DNAJA3: variants seen among roughly 807,000 people sequenced by gnomAD.
The protein encoded by DNAJA3 is DnaJ heat shock protein family (Hsp40) member A3, also known as dnaJ homolog subfamily A member 3, mitochondrial.
DNAJA3 carries 29 observed loss-of-function variants against 54.9 expected under a neutral mutation model. The observed-to-expected ratio is 0.53, with a 90% CI of 0.39 to 0.72. The LOEUF (loss-of-function observed/expected upper bound fraction) is 0.72. DNAJA3 is among the 30% of genes least tolerant of loss of function. The pLI, the probability that DNAJA3 is intolerant of heterozygous loss-of-function variation, is 0.00. For synonymous variants in DNAJA3, 302 were observed against 251.4 expected (o/e 1.20, Z -1.90); for missense variants, 708 against 639.4 (o/e 1.11, Z -1.16).
chr16:4,442,582 TC>T, intron 5 of DNAJA3, 162 bp downstream of exon 5: 1 of 836,664 alleles, frequency 1.2e-6, no homozygotes, highest in Non-Finnish European at 1.7e-6. Flanking sequence ...GAGCCTGTGC[TC>T]CTCTTTCCCT....
intron 9 of DNAJA3, 41 bp from the exon 10 acceptor site, chr16:4,450,359 C>G (rs1207940150): frequency 1.3e-6 from 2 of 1,530,732 alleles, no homozygotes; most frequent in South Asian, 2.4e-5. Context: ...TCCAAAGCTT[C>G]CCGGCGGAAG....
At chr16:4,434,599 A>G (rs2056749541) in intron 2 of DNAJA3, 82 bp downstream of exon 2, 2 of 1,483,574 alleles carry the variant, frequency 1.3e-6, no homozygotes, top group Admixed American at 4.3e-5. Context: ...AGTACAGCGT[A>G]TGTGCCCATA....
intron 8 of DNAJA3, 85 bp from the exon 9 acceptor site, chr16:4,448,648 C>G: frequency 1.1e-6 from 1 of 915,120 alleles, no homozygotes; most frequent in South Asian, 1.5e-5. Flanking sequence ...CAAGGAATTC[C>G]TATCAAGATT....
At position 4,425,892 on chromosome 16, in the gene DNAJA3, G is replaced by A. The variant is rs773766311; in HGVS notation, c.11G>A (p.Arg4Gln). The A allele has an allele frequency of 3.6e-5, 55 of 1,536,440 alleles. 1 individual carries two copies. Among genetic ancestry groups the A allele is most frequent in the Non-Finnish European group, 4.6e-5 (53 of 1,143,376 alleles). MAA[R>Q]CSTRWLLVVV... Reference sequence around the variant, plus strand: ...AGTCCCCGGGCCAAGATGGCTGCGCGGTGCTCCACACGCTGGTTGCTGGTG... The same window carrying A: ...AGTCCCCGGGCCAAGATGGCTGCGCAGTGCTCCACACGCTGGTTGCTGGTG... Residue 4 changes from arginine (R) to glutamine (Q), a missense_variant, in exon 1 of 12, where the codon CGG becomes CAG. Arg to Gln is a conservative substitution (Grantham distance 43). Transcript: ENST00000262375.
At chr16:4,437,608 C>G in intron 3 of DNAJA3, 123 bp downstream of exon 3, 1 of 704,480 alleles carries the variant, frequency 1.4e-6, no homozygotes, top group Non-Finnish European at 2.4e-6. Context: ...TGTCCCTGCG[C>G]CAAGTAATCT....
At chr16:4,437,595 C>G (rs765921291) in intron 3 of DNAJA3, 110 bp downstream of exon 3, 2 of 811,204 alleles carry the variant, frequency 2.5e-6, no homozygotes, top group Non-Finnish European at 2.0e-6. Context: ...AGTGTGAAGG[C>G]CATGTCCCTG....
chr16:4,441,291 C>T, intron 3 of DNAJA3, 84 bp from the exon 4 acceptor site: 1 of 1,298,782 alleles, frequency 7.7e-7, no homozygotes. Context: ...AATGTTATGG[C>T]TGCCTTATTT....
chr16:4,444,385 C>A (rs2056876731), intron 6 of DNAJA3, among the ~76,000 whole-genome samples: 1 of 149,214 alleles, frequency 6.7e-6, no homozygotes, highest in Non-Finnish European at 1.5e-5. Flanking sequence ...CGCTCTGTTG[C>A]CAGGCTGGCG....
intron 8 of DNAJA3, among the ~76,000 whole-genome samples, chr16:4,448,354 C>G (rs1220378241): frequency 1.3e-5 from 2 of 150,632 alleles, no homozygotes; most frequent in African/African-American, 4.9e-5. Context: ...TCCACCACCG[C>G]TCTGCCGAGA....
At chr16:4,435,899 C>T (rs1257076290) in intron 2 of DNAJA3, among the ~76,000 whole-genome samples, 2 of 152,212 alleles carry the variant, frequency 1.3e-5, no homozygotes, top group African/African-American at 4.8e-5. Context: ...AAGCTGCCAG[C>T]CTTTTTCAAA....
chr16:4,448,707 A>C, intron 8 of DNAJA3, 26 bp from the exon 9 acceptor site: 1 of 1,567,186 alleles, frequency 6.4e-7, no homozygotes, highest in Non-Finnish European at 8.8e-7. Context: ...GGACCAGGGG[A>C]AACCACAGAT....
At chr16:4,454,486 G>C (rs2057012920) in intron 10 of DNAJA3, among the ~76,000 whole-genome samples, 1 of 152,220 alleles carries the variant, frequency 6.6e-6, no homozygotes, top group South Asian at 2.1e-4. Flanking sequence ...GGAGGTGCCT[G>C]GCACTTGACT....
rs1327977609 is a variant in DNAJA3, at chr16:4,450,035, A to G, written c.1242-365A>G. ...TATCTCCTGACCTTGTGATCCGCCC[A>G]CCTTGGCCTCCCAAAATGCTGGGAT... On this transcript the variant is annotated intron_variant, in intron 9 of 11. Transcript: ENST00000262375. The G allele has an allele frequency of 6.3e-5, 11 of 173,774 alleles. No individual in the cohort carries two copies. The East Asian group carries it at 1.4e-3, about 22-fold the overall frequency. The allele number at this position is 173,774 out of a possible 1,614,324, so 10.8% of individuals were successfully genotyped here.
intron 11 of DNAJA3, 52 bp downstream of exon 11, chr16:4,454,979 T>A: frequency 7.9e-7 from 1 of 1,267,738 alleles, no homozygotes; most frequent in Non-Finnish European, 1.1e-6. Context: ...TGTGAACTAA[T>A]CCTGGTTTTC....
intron 1 of DNAJA3, among the ~76,000 whole-genome samples, chr16:4,428,095 GCGCCCGC>G (rs879622250): frequency 0.61 from 92,321 of 151,862 alleles, 29,402 homozygotes; most frequent in Non-Finnish European, 0.71. Flanking sequence ...GGGACTACAG[GCGCCCGC>G]CACCACGCCC....
rs768590895 is a variant in DNAJA3, at chr16:4,426,041, T to G, written c.160T>G (p.Ser54Ala). ...CCCCGCCTTTGCGTCTTCCCTGACC[T>G]CTTGCGGCCCCCGAGCGCTGCTGAC... The part of the protein sequence containing the change: ...SVPAFASSLT[S>A]CGPRALLTLR... Residue 54 changes from serine to alanine, a missense_variant, in exon 1 of 12, where the codon TCT becomes GCT. By Grantham distance (99) the Ser-to-Ala change is moderately conservative (BLOSUM62 1). Coordinates refer to ENST00000262375, the MANE Select transcript of DNAJA3 (RefSeq NM_005147.6). 1 of 1,605,062 alleles carries G rather than the reference T, an allele frequency of 6.2e-7. No individual in the cohort carries two copies. The highest frequency in any genetic ancestry group is 8.5e-7 in the Non-Finnish European group (1 of 1,176,348).
intron 6 of DNAJA3, among the ~76,000 whole-genome samples, chr16:4,443,721 CTG>C (rs1165418252): frequency 6.6e-6 from 1 of 151,500 alleles, no homozygotes; most frequent in African/African-American, 2.4e-5. Context: ...GAGTCTCGCT[CTG>C]TCACCCAGGC....
chr16:4,446,928 C>G lies in DNAJA3; in HGVS notation c.1039C>G (p.His347Asp), dbSNP rs2056908519. 1 of 1,614,040 alleles carries G rather than the reference C, an allele frequency of 6.2e-7. No individual in the cohort carries two copies. Among genetic ancestry groups the G allele is most frequent in the Non-Finnish European group, 8.5e-7 (1 of 1,180,046 alleles). The part of the protein sequence containing the change: ...PVFRRDGADI[H>D]SDLFISIAQA... ...GTTCCGGAGGGACGGCGCAGACATC[C>G]ACTCCGACCTCTTTATTTCTATAGC... is the stretch of plus-strand genomic sequence containing the variant. Residue 347 changes from histidine (H) to aspartate (D), a missense_variant, in exon 8 of 12, where the codon CAC (histidine) becomes GAC (aspartate). By Grantham distance (81) the His-to-Asp change is moderately conservative (BLOSUM62 -1). Transcript: ENST00000262375.
intron 8 of DNAJA3, among the ~76,000 whole-genome samples, chr16:4,448,374 G>C (rs898592419): frequency 2.0e-5 from 3 of 151,014 alleles, no homozygotes; most frequent in Non-Finnish European, 4.4e-5. Flanking sequence ...ACAGAGTCTT[G>C]CTCTGTCAGC....
Sources: allele counts gnomAD v4.1 joint callset (sites outside exome capture counted in the v4.1 genomes callset), GRCh38; gene constraint gnomAD v4.1.1; transcripts MANE v1.5; gene names NCBI Gene and HGNC (gene_info 2026-07-23, HGNC 2026-07-21).